Variants in MYO16 observed in about 807,000 individuals in gnomAD.
MYO16 encodes unconventional myosin-XVI.
In MYO16, 94 loss-of-function variants were observed where a neutral mutation model predicts 205.3. The observed-to-expected ratio is 0.46, with a 90% confidence interval of 0.39 to 0.54. MYO16 has a LOEUF of 0.54. Among genes scored for constraint, MYO16 ranks in the 20% least tolerant of loss-of-function variants. The pLI, the probability that MYO16 is intolerant of heterozygous loss-of-function variation, is 0.00. For missense variants in MYO16, 2,315 were observed against 2,387.5 expected (o/e 0.97, Z 0.63); for synonymous variants, 988 against 954.0 (o/e 1.04, Z -0.66).
intron 27 of MYO16, among the ~76,000 whole-genome samples, chr13:109,081,298 T>A (rs1888273507): frequency 6.6e-6 from 1 of 152,224 alleles, no homozygotes; most frequent in African/African-American, 2.4e-5. Context: ...TCTAGATATT[T>A]ATTTATTGCC....
chr13:108,788,350 C>T (rs1055988491), intron 5 of MYO16, among the ~76,000 whole-genome samples: 8 of 152,066 alleles, frequency 5.3e-5, no homozygotes, highest in African/African-American at 1.7e-4. Flanking sequence ...CCACGGAGAG[C>T]TGATGGAGCA....
chr13:108,528,560 TCCTCTCCTCTCCCCTCCCCTCC>T, the MYO16 span, among the ~76,000 whole-genome samples: 1 of 132,554 alleles, frequency 7.5e-6, no homozygotes, highest in Non-Finnish European at 1.6e-5. Context: ...TCCTCTCCTC[TCCTCTCCTCTCCCCTCCCCTCC>T]CCTTTCCCCT....
At chr13:108,799,043 T>C (rs953271740) in intron 6 of MYO16, among the ~76,000 whole-genome samples, 37 of 152,240 alleles carry the variant, frequency 2.4e-4, no homozygotes, top group Non-Finnish European at 5.0e-4. Context: ...GAAAGAATTA[T>C]TCAGGAGAGG....
intron 1 of MYO16, among the ~76,000 whole-genome samples, chr13:108,605,929 A>G (rs1878941787): frequency 6.6e-6 from 1 of 152,188 alleles, no homozygotes; most frequent in African/African-American, 2.4e-5. Flanking sequence ...AATTGTTCTG[A>G]CCAAAATTCT....
At chr13:108,996,782 AG>A (rs1269636542) in intron 21 of MYO16, among the ~76,000 whole-genome samples, 1 of 152,244 alleles carries the variant, frequency 6.6e-6, no homozygotes, top group Non-Finnish European at 1.5e-5. Flanking sequence ...GAAAAATTTA[AG>A]ATTATATAAG....
At chr13:108,865,209 T>C (rs1004910403) in intron 11 of MYO16, among the ~76,000 whole-genome samples, 10 of 152,148 alleles carry the variant, frequency 6.6e-5, no homozygotes, top group Non-Finnish European at 1.2e-4. Context: ...ATGTGGTAAT[T>C]ACTACTTTAA....
At chr13:108,822,315 A>T (rs543587399) in intron 8 of MYO16, among the ~76,000 whole-genome samples, 1 of 152,294 alleles carries the variant, frequency 6.6e-6, no homozygotes, top group African/African-American at 2.4e-5. Context: ...TCTTTACATA[A>T]ATATCTTCTT....
chr13:108,696,505 T>C (rs1883095378), intron 2 of MYO16, among the ~76,000 whole-genome samples: 1 of 152,178 alleles, frequency 6.6e-6, no homozygotes, highest in Non-Finnish European at 1.5e-5. Context: ...GCTGCATTTT[T>C]CTCTTTAAAT....
chr13:109,052,282 C>T lies in MYO16; in HGVS notation c.2873-18C>T. ...TAATTTTAGTGCCACTTACGATATT[C>T]ATTTATTTATTTCCTAGCTAGTGAA... On this transcript the variant is annotated intron_variant, in intron 24 of 34. Coordinates refer to ENST00000457511, the MANE Select transcript of MYO16 (RefSeq NM_001198950.3). 6.2e-7 allele frequency: 1 copy of T among 1,603,652 alleles called. No individual in the cohort carries two copies. The highest frequency in any genetic ancestry group is 8.5e-7 in the Non-Finnish European group (1 of 1,171,476).
At chr13:108,646,317 C>G (rs910844132) in intron 1 of MYO16, among the ~76,000 whole-genome samples, 2 of 152,114 alleles carry the variant, frequency 1.3e-5, no homozygotes, top group African/African-American at 4.8e-5. Flanking sequence ...ATTTTAGAGG[C>G]ACACAGATGA....
At chr13:108,668,626 G>A (rs1337678192) in intron 2 of MYO16, among the ~76,000 whole-genome samples, 1 of 152,168 alleles carries the variant, frequency 6.6e-6, no homozygotes, top group African/African-American at 2.4e-5. Context: ...AACATCAACA[G>A]TGATGGATAC....
intron 10 of MYO16, 130 bp from the exon 11 acceptor site, chr13:108,855,313 C>A: frequency 2.8e-5 from 10 of 357,874 alleles, no homozygotes; most frequent in East Asian, 4.5e-5. Context: ...ACCATTTCAT[C>A]TCTTAATAAC....
intron 34 of MYO16, among the ~76,000 whole-genome samples, chr13:109,181,818 T>TTA (rs1158460397): frequency 5.9e-5 from 5 of 85,184 alleles, no homozygotes; most frequent in African/African-American, 8.2e-5. Flanking sequence ...ATTTATTTAT[T>TTA]TTATTTTATT....
intron 31 of MYO16, among the ~76,000 whole-genome samples, chr13:109,130,191 G>T (rs1348583377): frequency 6.6e-6 from 1 of 152,168 alleles, no homozygotes; most frequent in Admixed American, 6.5e-5. Context: ...CATTAGGCAT[G>T]CAAGATATTT....
At chr13:108,598,835 C>G (rs1037729987) in intron 1 of MYO16, among the ~76,000 whole-genome samples, 3 of 142,662 alleles carry the variant, frequency 2.1e-5, no homozygotes, top group African/African-American at 7.8e-5. Context: ...TGTAGGTATT[C>G]TTTTTCTTTT....
At chr13:108,842,861 C>T (rs61027887) in intron 9 of MYO16, among the ~76,000 whole-genome samples, 4,684 of 152,040 alleles carry the variant, frequency 0.031, 138 homozygotes, top group East Asian at 0.11. Flanking sequence ...CTAAGGCCCA[C>T]GAACAGATGA....
rs191694086 is a variant in MYO16, at chr13:108,617,560, C to T, written c.-39+21321C>T. On this transcript the variant is annotated intron_variant, in intron 1 of 24. Transcript: ENST00000251041. ...TGTCATTGAAATGGTAAGCTCTTCACAGGTACGGGCTTTCATCTGTGCCAT... is the reference window on the plus strand; with the variant it reads ...TGTCATTGAAATGGTAAGCTCTTCATAGGTACGGGCTTTCATCTGTGCCAT... Among the ~76,000 whole-genome samples the T allele has an allele frequency of 3.3e-4, 50 of 152,294 alleles. No individual in the cohort carries two copies. In the East Asian group the frequency reaches 8.9e-3, roughly 27 times the overall value.
At chr13:108,624,307 G>A (rs1021688832) in intron 1 of MYO16, among the ~76,000 whole-genome samples, 5 of 152,156 alleles carry the variant, frequency 3.3e-5, no homozygotes, top group East Asian at 1.9e-4. Context: ...AACTTGCTTC[G>A]TCATCAATAA....
At chr13:109,191,352 A>G (rs1007708315) in intron 34 of MYO16, among the ~76,000 whole-genome samples, 4 of 152,194 alleles carry the variant, frequency 2.6e-5, no homozygotes, top group Non-Finnish European at 5.9e-5. Flanking sequence ...TTGCCCTCAT[A>G]GAAGTTAAAT....
Sources: allele counts gnomAD v4.1 joint callset (sites outside exome capture counted in the v4.1 genomes callset), GRCh38; gene constraint gnomAD v4.1.1; transcripts MANE v1.5; gene names NCBI Gene and HGNC (gene_info 2026-07-23, HGNC 2026-07-21).